SETX: variants seen among roughly 807,000 people sequenced by gnomAD.
The protein encoded by SETX is senataxin, also known as helicase senataxin.
SETX carries 90 observed loss-of-function variants against 227.2 expected under a neutral mutation model. The ratio of observed to expected loss-of-function variants is 0.40; its 90% CI spans 0.33 to 0.47. The LOEUF (loss-of-function observed/expected upper bound fraction) is 0.47. Ranked by LOEUF, SETX falls within the 20% of genes least tolerant of loss-of-function variation. SETX has a pLI of 0.91. For synonymous variants in SETX, 1,210 were observed against 1,113.2 expected, an observed-to-expected ratio of 1.09 and a Z score of -1.73; for missense variants, 3,052 against 3,181.5, an observed-to-expected ratio of 0.96 and a Z score of 0.98.
intron 12 of SETX, among the ~76,000 whole-genome samples, chr9:132,299,468 T>C (rs887703819): frequency 6.6e-6 from 1 of 152,176 alleles, no homozygotes; most frequent in African/African-American, 2.4e-5. Context: ...TCTAAATGTA[T>C]CCTATATTCT....
chr9:132,273,949 T>TA (rs561542561), intron 23 of SETX, among the ~76,000 whole-genome samples: 142 of 147,722 alleles, frequency 9.6e-4, no homozygotes, highest in African/African-American at 2.3e-3. Flanking sequence ...CTTTTATTAA[T>TA]AAAAAAAGTT....
At chr9:132,282,053 C>A (rs1363129154) in intron 19 of SETX, among the ~76,000 whole-genome samples, 4 of 146,252 alleles carry the variant, frequency 2.7e-5, no homozygotes, top group Non-Finnish European at 6.0e-5. Context: ...GACTCCGTCT[C>A]AAAAAAAACA....
At position 132,349,245 on chromosome 9, in the gene SETX, A is replaced by T; in HGVS notation, c.177+7T>A. ...CTGAAAAATATTGCCCATCTAATAT[A>T]TTTTACCTCATGCAAGAATGGCAAT... On this transcript the variant is annotated splice_region_variant and intron_variant, in intron 3 of 25. Transcript: ENST00000224140. The T allele has an allele frequency of 6.2e-7, 1 of 1,613,598 alleles. No individual in the cohort carries two copies.
chr9:132,343,456 G>C (rs979376853), intron 4 of SETX, among the ~76,000 whole-genome samples: 1 of 152,076 alleles, frequency 6.6e-6, no homozygotes, highest in Admixed American at 6.6e-5. Context: ...GATCCACCTA[G>C]ACTTTATCTG....
intron 7 of SETX, among the ~76,000 whole-genome samples, chr9:132,332,047 T>C (rs188519015): frequency 6.6e-6 from 1 of 152,340 alleles, no homozygotes; most frequent in African/African-American, 2.4e-5. Flanking sequence ...TTTGCTGTTC[T>C]CTACTTTTCA....
chr9:132,274,584 G>C (rs996522431), intron 23 of SETX, among the ~76,000 whole-genome samples: 1 of 151,936 alleles, frequency 6.6e-6, no homozygotes, highest in African/African-American at 2.4e-5. Context: ...AGGGACTACG[G>C]GAGCGCGCCA....
At chr9:132,281,927 C>A (rs1449933858) in intron 19 of SETX, among the ~76,000 whole-genome samples, 1 of 148,970 alleles carries the variant, frequency 6.7e-6, no homozygotes, top group Non-Finnish European at 1.5e-5. Context: ...GAGGCTGAGG[C>A]AGGAGAACTG....
Position 132,328,743 on chromosome 9 carries a change from G to C in SETX, c.2855C>G (p.Thr952Ser), listed in dbSNP as rs1847020460. 6.2e-7 allele frequency: 1 copy of C among 1,613,172 alleles called. No individual in the cohort carries two copies. Among genetic ancestry groups the C allele is most frequent in the African/African-American group, 1.3e-5 (1 of 74,888 alleles). Residue 952 changes from threonine (T) to serine (S), a missense_variant, in exon 10 of 26, where the codon ACC becomes AGC. Coordinates refer to ENST00000224140, the MANE Select transcript of SETX (RefSeq NM_015046.7). ...TCTGTCTATCTGAGAATCCGTTAAG[G>C]TGTCAGATTTAGGACTGATGTCAGG... ...QAPDISPKSD[T>S]LTDSQIDRDL...
At chr9:132,317,576 T>C (rs892245256) in intron 10 of SETX, among the ~76,000 whole-genome samples, 1 of 152,184 alleles carries the variant, frequency 6.6e-6, no homozygotes, top group East Asian at 1.9e-4. Context: ...AAATGTTGAT[T>C]GTAAAAGTGC....
At chr9:132,325,235 A>G (rs1430394080) in intron 10 of SETX, among the ~76,000 whole-genome samples, 1 of 152,202 alleles carries the variant, frequency 6.6e-6, no homozygotes, top group Non-Finnish European at 1.5e-5. Context: ...GAGAGCCTAT[A>G]GTCTCAGCTA....
Position 132,326,722 on chromosome 9 carries a change from T to G in SETX, c.4876A>C (p.Asn1626His). Residue 1626 changes from asparagine (N) to histidine (H), a missense_variant, in exon 10 of 26, where the codon AAT (asparagine) becomes CAT (histidine). By Grantham distance (68) the Asn-to-His change is moderately conservative (BLOSUM62 1). Around this residue, in one of 10 missense-constraint regions of SETX, gnomAD observed 1,483 missense variants for 1,312.0 expected, o/e 1.13. Transcript: ENST00000224140. Reference sequence around the variant, plus strand: ...ATCGACTGTATCCCCTTTGACTTATTTTTTAGAGACGGTGAAAGTGCTGAA... The same window carrying G: ...ATCGACTGTATCCCCTTTGACTTATGTTTTAGAGACGGTGAAAGTGCTGAA... The part of the protein sequence containing the change: ...TSSALSPSLK[N>H]KSKGIQSILK... 1 of 1,614,184 alleles carries G rather than the reference T, an allele frequency of 6.2e-7. No homozygotes were observed. The highest frequency in any genetic ancestry group is 1.7e-5 in the Admixed American group (1 of 60,026).
At chr9:132,270,521 C>T (rs1842856619) in intron 24 of SETX, among the ~76,000 whole-genome samples, 1 of 152,248 alleles carries the variant, frequency 6.6e-6, no homozygotes. Flanking sequence ...TTCTTACTCT[C>T]CGTCCCAATA....
intron 7 of SETX, among the ~76,000 whole-genome samples, chr9:132,331,811 C>T (rs1396802240): frequency 2.0e-5 from 3 of 152,098 alleles, no homozygotes; most frequent in Admixed American, 1.3e-4. Flanking sequence ...CCTGCCAAAA[C>T]TTTGTAGTCC....
chr9:132,320,307 G>T (rs1846237200), intron 10 of SETX, among the ~76,000 whole-genome samples: 1 of 152,090 alleles, frequency 6.6e-6, no homozygotes, highest in African/African-American at 2.4e-5. Flanking sequence ...CGGGCGCAGT[G>T]GCTCACGCCT....
chr9:132,327,333 T>G lies in SETX; in HGVS notation c.4265A>C (p.Glu1422Ala). The G allele has an allele frequency of 1.2e-6, 2 of 1,614,252 alleles. No individual in the cohort carries two copies. The highest frequency in any genetic ancestry group is 1.7e-6 in the Non-Finnish European group (2 of 1,180,050). The change falls in exon 10 of 26, where the codon GAA becomes GCA. Residue 1422 changes from glutamate to alanine, a missense_variant. By Grantham distance (107) the Glu-to-Ala change is moderately radical. Around this residue, in one of 10 missense-constraint regions of SETX, gnomAD observed 1,483 missense variants for 1,312.0 expected, o/e 1.13. Coordinates refer to ENST00000224140, the MANE Select transcript of SETX (RefSeq NM_015046.7). Reference sequence around the variant, plus strand: ...AGACCCATGTTTTGCTTTTATGGTTTCTGGTTCAGAAGGCATGCATTTTAT... The same window carrying G: ...AGACCCATGTTTTGCTTTTATGGTTGCTGGTTCAGAAGGCATGCATTTTAT... ...QLIKCMPSEP[E>A]TIKAKHGSPA...
chr9:132,347,256 C>CA (rs1272329304), intron 3 of SETX, among the ~76,000 whole-genome samples: 2 of 151,258 alleles, frequency 1.3e-5, no homozygotes, highest in East Asian at 3.9e-4. Flanking sequence ...CCATCTCAAA[C>CA]AAAAAACCAA....
intron 3 of SETX, among the ~76,000 whole-genome samples, chr9:132,348,382 A>AAC (rs1554825843): frequency 6.7e-6 from 1 of 150,066 alleles, no homozygotes; most frequent in Admixed American, 6.6e-5. Flanking sequence ...ACAAAACAAA[A>AAC]AAAAAACAAC....
chr9:132,326,279 A>G, intron 10 of SETX, 45 bp downstream of exon 10: 1 of 1,409,084 alleles, frequency 7.1e-7, no homozygotes. Flanking sequence ...GTAAAGAGGT[A>G]ACTTGAAAAG....
At chr9:132,309,434 CAAGA>C (rs1390373954) in intron 11 of SETX, among the ~76,000 whole-genome samples, 1 of 151,492 alleles carries the variant, frequency 6.6e-6, no homozygotes, top group Non-Finnish European at 1.5e-5. Flanking sequence ...AGAAACAAAA[CAAGA>C]AAGCTTCTAG....
Sources: gnomAD v4.1 joint callset for allele counts (sites outside exome capture counted in the v4.1 genomes callset) on GRCh38, gnomAD v4.1.1 for gene constraint, gnomAD v4.1.1 regional missense constraint, MANE v1.5 for transcripts, NCBI Gene and HGNC (gene_info 2026-07-23, HGNC 2026-07-21) for gene names.